The following ELP3 variants were observed in gnomAD, a reference collection of about 807,000 sequenced individuals.
The protein encoded by ELP3 is elongator acetyltransferase complex subunit 3, also known as elongator complex protein 3.
A neutral mutation model predicts 74.9 loss-of-function variants in ELP3; 56 were observed. The ratio of observed to expected loss-of-function variants is 0.75; its 90% CI spans 0.60 to 0.93. The LOEUF (loss-of-function observed/expected upper bound fraction) is 0.93. Ranked by LOEUF, ELP3 falls within the 40% of genes least tolerant of loss-of-function variation. ELP3 has a pLI of 0.00. For synonymous variants in ELP3, 222 were observed against 239.8 expected, an observed-to-expected ratio of 0.93 and a Z score of 0.68; for missense variants, 573 against 686.5, an observed-to-expected ratio of 0.83 and a Z score of 1.85.
intron 14 of ELP3, among the ~76,000 whole-genome samples, chr8:28,182,100 C>G (rs1462978214): frequency 2.0e-5 from 3 of 152,146 alleles, no homozygotes; most frequent in African/African-American, 7.2e-5. Context: ...AGGCTTTACT[C>G]TGGTATTGCA....
intron 7 of ELP3, among the ~76,000 whole-genome samples, chr8:28,127,071 G>T (rs972627911): frequency 6.6e-6 from 1 of 152,070 alleles, no homozygotes; most frequent in African/African-American, 2.4e-5. Context: ...GCTGCAAAAG[G>T]TAATGACATT....
At chr8:28,119,593 T>C (rs1398608936) in intron 7 of ELP3, among the ~76,000 whole-genome samples, 1 of 90,012 alleles carries the variant, frequency 1.1e-5, no homozygotes, top group African/African-American at 5.4e-5. Flanking sequence ...TATATATATA[T>C]ATATATATAT....
chr8:28,142,695 T>C (rs2130498610), intron 10 of ELP3, among the ~76,000 whole-genome samples: 2 of 152,368 alleles, frequency 1.3e-5, no homozygotes, highest in South Asian at 4.1e-4. Context: ...CAGGTTTTTA[T>C]GCTTTAGGAT....
chr8:28,097,874 G>A (rs541900153), intron 2 of ELP3, among the ~76,000 whole-genome samples: 6 of 152,196 alleles, frequency 3.9e-5, no homozygotes, highest in African/African-American at 1.2e-4. Context: ...TGACAGGTGG[G>A]TAATCTGAGT....
chr8:28,186,565 T>C (rs1815249707), intron 14 of ELP3, among the ~76,000 whole-genome samples: 1 of 152,196 alleles, frequency 6.6e-6, no homozygotes, highest in South Asian at 2.1e-4. Flanking sequence ...TATAACAGGA[T>C]ACCTGAAAGG....
chr8:28,106,917 A>G (rs1038462324), intron 4 of ELP3, 134 bp downstream of exon 4: 1 of 636,606 alleles, frequency 1.6e-6, no homozygotes. Flanking sequence ...CTCCTTTCAA[A>G]CAAGCAACCA....
At chr8:28,110,519 A>G (rs1029756839) in intron 6 of ELP3, 81 bp downstream of exon 6, 8 of 1,192,274 alleles carry the variant, frequency 6.7e-6, no homozygotes, top group Non-Finnish European at 9.7e-6. Flanking sequence ...TTCAAATTGA[A>G]CCTGAAATAA....
chr8:28,173,704 T>A (rs1814627811), intron 14 of ELP3, among the ~76,000 whole-genome samples: 1 of 151,962 alleles, frequency 6.6e-6, no homozygotes, highest in Non-Finnish European at 1.5e-5. Context: ...ATCCCAAATG[T>A]GATCATATGT....
chr8:28,106,367 C>T (rs1400807956), intron 3 of ELP3, among the ~76,000 whole-genome samples: 3 of 151,478 alleles, frequency 2.0e-5, no homozygotes, highest in African/African-American at 4.9e-5. Context: ...GGTGAAACCC[C>T]GTCTCTACTA....
intron 7 of ELP3, among the ~76,000 whole-genome samples, chr8:28,125,073 G>A (rs1050086573): frequency 2.0e-5 from 3 of 152,270 alleles, no homozygotes; most frequent in Middle Eastern, 3.4e-3. Context: ...TTTTATTGAG[G>A]TATTTTCAAG....
intron 7 of ELP3, chr8:28,129,272 T>C: frequency 1.9e-6 from 1 of 512,970 alleles, no homozygotes. Flanking sequence ...GTAGATAGTG[T>C]ATTATCCTCA....
chr8:28,161,610 GAA>G (rs1163846087), intron 13 of ELP3, among the ~76,000 whole-genome samples: 27 of 60,618 alleles, frequency 4.5e-4, no homozygotes, highest in African/African-American at 9.7e-4. Flanking sequence ...CGTCTCAAGA[GAA>G]AAAAAAAAAA....
rs1814120014 is a variant in ELP3 at position 28,162,104 on chromosome 8, G to T, written c.1567+26G>T. On this transcript the variant is annotated intron_variant, in intron 14 of 14. Transcript: ENST00000256398. ...GTAACTGGGGGAGGGCGAAGTTCAT[G>T]ATTCCTTCCCATTTTGAACTTGGCA... 6 of 1,610,652 alleles carry T rather than the reference G, an allele frequency of 3.7e-6. No homozygotes were observed. The East Asian group carries it at 1.3e-4, about 36-fold the overall frequency.
In ELP3 at chr8:28,129,626, C is replaced by T; in HGVS notation, c.742C>T (p.Gln248Ter). The change falls in exon 8 of 15, where the codon CAG (glutamine) becomes TAG (stop). Residue 248 changes from glutamine (Q) to a stop codon, truncating the protein, a stop_gained. Transcript: ENST00000256398. LOFTEE classifies it high-confidence loss of function. The stretch of plus-strand genomic sequence containing the variant: ...CTGCACAAGGCTGGAGATTGGGGTG[C>T]AGAGTGTTTATGAAGATGTGGCTAG... ...YGCTRLEIGV[Q>*]SVYEDVARDT... is the part of the protein sequence containing the mutation. The T allele has an allele frequency of 6.2e-7, 1 of 1,614,144 alleles. No individual in the cohort carries two copies. The highest frequency in any genetic ancestry group is 8.5e-7 in the Non-Finnish European group (1 of 1,180,010).
At chr8:28,172,249 A>T (rs1289841549) in intron 14 of ELP3, among the ~76,000 whole-genome samples, 1 of 152,106 alleles carries the variant, frequency 6.6e-6, no homozygotes, top group Non-Finnish European at 1.5e-5. Context: ...TGGTATCATC[A>T]TCTTAACAAT....
chr8:28,117,717 T>A (rs2130417481), intron 7 of ELP3, among the ~76,000 whole-genome samples: 1 of 152,296 alleles, frequency 6.6e-6, no homozygotes, highest in African/African-American at 2.4e-5. Context: ...CTCTATATTT[T>A]TATGAGATCA....
At chr8:28,142,102 C>T (rs1320075479) in intron 10 of ELP3, among the ~76,000 whole-genome samples, 1 of 152,070 alleles carries the variant, frequency 6.6e-6, no homozygotes, top group Non-Finnish European at 1.5e-5. Context: ...TCCTGGCCTA[C>T]CAACAACTGA....
At chr8:28,154,496 T>C (rs28455649) in intron 10 of ELP3, among the ~76,000 whole-genome samples, 4,473 of 152,270 alleles carry the variant, frequency 0.029, 241 homozygotes, top group African/African-American at 0.1. Context: ...ATATATGAGA[T>C]GTATAGCCAT....
At chr8:28,152,287 C>G (rs760630714) in intron 10 of ELP3, among the ~76,000 whole-genome samples, 1 of 152,174 alleles carries the variant, frequency 6.6e-6, no homozygotes, top group African/African-American at 2.4e-5. Context: ...GAAGTCCCTT[C>G]TCTGCCTGTT....
Sources: gnomAD v4.1 joint callset for allele counts (sites outside exome capture counted in the v4.1 genomes callset) on GRCh38, gnomAD v4.1.1 for gene constraint, MANE v1.5 for transcripts, NCBI Gene and HGNC (gene_info 2026-07-23, HGNC 2026-07-21) for gene names.